Variants in GPM6A observed in about 807,000 individuals in gnomAD.
GPM6A encodes glycoprotein M6A, also known as neuronal membrane glycoprotein M6-a.
In GPM6A, 7 loss-of-function variants were observed where a neutral mutation model predicts 32.1. The observed-to-expected ratio is 0.22, with a 90% CI of 0.12 to 0.41. GPM6A has a LOEUF of 0.41. Among genes scored for constraint, GPM6A ranks in the 10% least tolerant of loss-of-function variants. The pLI is 1.00. For missense variants in GPM6A, 235 were observed against 347.2 expected (o/e 0.68, Z 2.57); for synonymous variants, 130 against 123.4 (o/e 1.05, Z -0.35).
rs138092628 is a variant in GPM6A at position 175,924,540 on chromosome 4, G to A, written c.-23+77769C>T. Among the ~76,000 whole-genome samples, 832 of 152,060 alleles carry A rather than the reference G, an allele frequency of 5.5e-3. 5 individuals are homozygous for A. The highest frequency in any genetic ancestry group is 0.018 in the African/African-American group (754 of 41,500). On this transcript the variant is annotated intron_variant, in intron 1 of 7. Coordinates refer to the GPM6A transcript ENST00000280187. ...AGGCTGAGTGCTTCTGCCTGAGAAC[G>A]AATCAAGAGAAGCCTGAGGCCAAGT... is the stretch of plus-strand genomic sequence containing the variant.
intron 1 of GPM6A, among the ~76,000 whole-genome samples, chr4:175,820,431 G>C (rs755622184): frequency 1.7e-4 from 26 of 151,154 alleles, no homozygotes; most frequent in Non-Finnish European, 3.2e-4. Flanking sequence ...ATGTGTGTCT[G>C]TGTGTATACA....
intron 1 of GPM6A, among the ~76,000 whole-genome samples, chr4:175,986,889 G>T (rs2126453093): frequency 6.6e-6 from 1 of 152,170 alleles, no homozygotes; most frequent in South Asian, 2.1e-4. Flanking sequence ...ACAATTCATT[G>T]AATACCTCAT....
chr4:175,658,300 A>G (rs77250139), intron 3 of GPM6A, among the ~76,000 whole-genome samples: 4 of 112,838 alleles, frequency 3.5e-5, no homozygotes, highest in Non-Finnish European at 7.1e-5. Context: ...CATATGACTG[A>G]AAAAAAAAAA....
At chr4:175,696,255 T>C (rs970369319) in intron 2 of GPM6A, among the ~76,000 whole-genome samples, 3 of 152,144 alleles carry the variant, frequency 2.0e-5, no homozygotes, top group Non-Finnish European at 4.4e-5. Flanking sequence ...ACATCCCTTT[T>C]ACTGATTAGT....
At chr4:175,799,884 C>T (rs1185916482) in intron 1 of GPM6A, among the ~76,000 whole-genome samples, 2 of 151,754 alleles carry the variant, frequency 1.3e-5, no homozygotes, top group Admixed American at 6.6e-5. Context: ...CCTTGTTAGC[C>T]GCAAGTGTTT....
At chr4:175,993,001 G>A (rs1190860003) in intron 1 of GPM6A, among the ~76,000 whole-genome samples, 3 of 151,920 alleles carry the variant, frequency 2.0e-5, no homozygotes, top group Admixed American at 6.6e-5. Flanking sequence ...GCTATTCCAC[G>A]GCATTTTCAG....
At chr4:175,648,744 C>T (rs1741616278) in intron 4 of GPM6A, among the ~76,000 whole-genome samples, 1 of 152,156 alleles carries the variant, frequency 6.6e-6, no homozygotes, top group South Asian at 2.1e-4. Flanking sequence ...GCCAGCAACA[C>T]TGCATCTTTC....
At chr4:175,746,729 A>C (rs1312820985) in intron 1 of GPM6A, among the ~76,000 whole-genome samples, 1 of 152,206 alleles carries the variant, frequency 6.6e-6, no homozygotes, top group South Asian at 2.1e-4. Flanking sequence ...TTCTTAGATC[A>C]ACTAGATGAT....
At chr4:175,995,057 T>C (rs939978483) in intron 1 of GPM6A, among the ~76,000 whole-genome samples, 4 of 152,194 alleles carry the variant, frequency 2.6e-5, no homozygotes, top group Admixed American at 2.0e-4. Flanking sequence ...GCTCCACTTC[T>C]AATTCTAGTT....
At chr4:175,652,542 T>C (rs965061307) in intron 3 of GPM6A, among the ~76,000 whole-genome samples, 1 of 151,932 alleles carries the variant, frequency 6.6e-6, no homozygotes, top group Non-Finnish European at 1.5e-5. Context: ...GTTTTATGCA[T>C]GTTAATATAC....
At chr4:175,639,818 T>C (rs1247390047) in intron 6 of GPM6A, among the ~76,000 whole-genome samples, 2 of 152,122 alleles carry the variant, frequency 1.3e-5, no homozygotes, top group Non-Finnish European at 2.9e-5. Context: ...ATTGATTAGA[T>C]TACTCACAAT....
intron 4 of GPM6A, among the ~76,000 whole-genome samples, chr4:175,646,518 T>C (rs965495728): frequency 6.6e-6 from 1 of 152,220 alleles, no homozygotes; most frequent in Non-Finnish European, 1.5e-5. Flanking sequence ...GCCAGGTTCA[T>C]GATGTAAGTG....
intron 6 of GPM6A, among the ~76,000 whole-genome samples, chr4:175,636,193 T>C (rs1326319643): frequency 1.4e-5 from 2 of 147,242 alleles, no homozygotes; most frequent in Non-Finnish European, 3.0e-5. Context: ...GTAAGCCACC[T>C]GAAAGCAGGG....
At chr4:175,865,394 T>C (rs1447143693) in intron 1 of GPM6A, among the ~76,000 whole-genome samples, 3 of 152,194 alleles carry the variant, frequency 2.0e-5, no homozygotes, top group African/African-American at 7.2e-5. Context: ...TTTTTCACAA[T>C]TGTTTTAGCT....
chr4:175,958,973 T>C (rs555308731), intron 1 of GPM6A, among the ~76,000 whole-genome samples: 19 of 152,184 alleles, frequency 1.2e-4, no homozygotes, highest in East Asian at 5.8e-4. Flanking sequence ...TGTCTGAATA[T>C]ACAATAAAAT....
At chr4:175,695,339 G>A (rs1401160232) in intron 2 of GPM6A, among the ~76,000 whole-genome samples, 2 of 152,176 alleles carry the variant, frequency 1.3e-5, no homozygotes, top group African/African-American at 4.8e-5. Flanking sequence ...GCCTGGAAAA[G>A]CCATAGGCAT....
intron 4 of GPM6A, among the ~76,000 whole-genome samples, chr4:175,646,599 A>C (rs1336645525): frequency 6.6e-6 from 1 of 152,248 alleles, no homozygotes; most frequent in Non-Finnish European, 1.5e-5. Flanking sequence ...AGCACATGAC[A>C]CAATTTTTCC....
chr4:175,839,749 T>C (rs1270167409), intron 1 of GPM6A, among the ~76,000 whole-genome samples: 1 of 152,190 alleles, frequency 6.6e-6, no homozygotes, highest in Non-Finnish European at 1.5e-5. Context: ...TTGAAGTTAT[T>C]AATCATTGTT....
chr4:175,834,407 G>T (rs953040665), intron 1 of GPM6A, among the ~76,000 whole-genome samples: 1 of 152,132 alleles, frequency 6.6e-6, no homozygotes, highest in Non-Finnish European at 1.5e-5. Flanking sequence ...GTGAAAAAGA[G>T]TGCAGAATTT....
Sources: allele counts gnomAD v4.1 joint callset (sites outside exome capture counted in the v4.1 genomes callset), GRCh38; gene constraint gnomAD v4.1.1; transcripts MANE v1.5; gene names NCBI Gene and HGNC (gene_info 2026-07-23, HGNC 2026-07-21).